The following MALRD1 variants were observed in gnomAD, a reference collection of about 807,000 sequenced individuals.
MALRD1 encodes the protein MAM and LDL receptor class A domain containing 1, also known as MAM and LDL-receptor class A domain-containing protein 1.
A neutral mutation model predicts 242.1 loss-of-function variants in MALRD1; 247 were observed. That is an observed-to-expected ratio of 1.02 (90% CI 0.92 to 1.13). MALRD1 has a LOEUF of 1.13. MALRD1 is among the 50% of genes most tolerant of loss of function. MALRD1 has a pLI of 0.00. For synonymous variants in MALRD1, 995 were observed against 866.6 expected, an observed-to-expected ratio of 1.15 and a Z score of -2.60; for missense variants, 2,989 against 2,533.1, an observed-to-expected ratio of 1.18 and a Z score of -3.86.
rs929548697 is a variant in MALRD1, at chr10:19,093,946, C to G, written c.597+5761C>G. 6.3e-3 allele frequency among the ~76,000 whole-genome samples: 636 copies of G among 101,394 alleles called. 158 individuals carry two copies. Among genetic ancestry groups the G allele is most frequent in the African/African-American group, 0.025 (613 of 24,550 alleles). The allele number at this position is 101,394 out of a possible 152,430, so 66.5% of individuals were successfully genotyped here. ...GACCCACTTGAGGAGGCAGTCTGCC[C>G]GTTCTCAGATCTCCAGCTGTGTGCT... On this transcript the variant is annotated intron_variant, in intron 4 of 39. Coordinates refer to ENST00000454679, the MANE Select transcript of MALRD1 (RefSeq NM_001142308.3).
intron 9 of MALRD1, among the ~76,000 whole-genome samples, chr10:19,135,610 A>T (rs1440708137): frequency 6.6e-6 from 1 of 152,158 alleles, no homozygotes; most frequent in East Asian, 1.9e-4. Context: ...TTTATATCTG[A>T]TGTCCAGTAT....
intron 19 of MALRD1, among the ~76,000 whole-genome samples, chr10:19,273,227 A>G (rs1430048342): frequency 6.6e-6 from 1 of 152,214 alleles, no homozygotes; most frequent in East Asian, 1.9e-4. Context: ...GGAAAATACA[A>G]ATTAAAATGT....
At chr10:19,314,794 T>C (rs530591371) in intron 21 of MALRD1, among the ~76,000 whole-genome samples, 2 of 151,498 alleles carry the variant, frequency 1.3e-5, no homozygotes, top group African/African-American at 4.8e-5. Context: ...GTCTGAAATA[T>C]TTTCTATCTA....
intron 21 of MALRD1, among the ~76,000 whole-genome samples, chr10:19,315,189 T>C (rs1462956615): frequency 3.2e-5 from 4 of 125,856 alleles, no homozygotes; most frequent in Non-Finnish European, 6.4e-5. Context: ...AATATATAAA[T>C]ATAATTTATA....
intron 18 of MALRD1, among the ~76,000 whole-genome samples, chr10:19,216,119 C>CTTT (rs753559077): frequency 0.078 from 9,573 of 122,722 alleles, 533 homozygotes; most frequent in Non-Finnish European, 0.11. Flanking sequence ...TTCTTTCTTT[C>CTTT]TTTTTTTTTT....
At chr10:19,317,087 A>C (rs550968514) in intron 21 of MALRD1, among the ~76,000 whole-genome samples, 1 of 151,600 alleles carries the variant, frequency 6.6e-6, no homozygotes, top group Admixed American at 6.6e-5. Flanking sequence ...TTTTTTAAAG[A>C]ATGCTAGTAC....
chr10:19,181,614 G>T (rs982364345), intron 14 of MALRD1, among the ~76,000 whole-genome samples: 1 of 152,114 alleles, frequency 6.6e-6, no homozygotes, highest in African/African-American at 2.4e-5. Context: ...GGAGAAATGT[G>T]TCTAGAGATG....
rs565423722 is a variant in MALRD1, at chr10:19,138,047, G to A, written c.1411+1266G>A. Among the ~76,000 whole-genome samples, 10 of 152,300 alleles carry A rather than the reference G, an allele frequency of 6.6e-5. No homozygotes were observed. The South Asian group carries it at 1.9e-3, about 28-fold the overall frequency. On this transcript the variant is annotated intron_variant, in intron 10 of 39. Transcript: ENST00000454679. ...AAGCTCTGTATAATTGGTTTCTCTT[G>A]GGAAGCTTGGATTTTATTAAGAGCA...
intron 33 of MALRD1, among the ~76,000 whole-genome samples, chr10:19,589,400 C>T (rs1837632256): frequency 6.6e-6 from 1 of 152,152 alleles, no homozygotes; most frequent in African/African-American, 2.4e-5. Context: ...ATTGCTGGTA[C>T]AGCCTTGAAT....
chr10:19,537,607 C>T (rs971485478), intron 32 of MALRD1, among the ~76,000 whole-genome samples: 3 of 152,124 alleles, frequency 2.0e-5, no homozygotes, highest in African/African-American at 7.2e-5. Flanking sequence ...TATAAAATAC[C>T]TCTCTCAGCA....
intron 32 of MALRD1, among the ~76,000 whole-genome samples, chr10:19,562,297 G>GTAGATAGATAGA (rs78473002): frequency 0.032 from 4,669 of 144,718 alleles, 89 homozygotes; most frequent in East Asian, 0.075. Context: ...GCTGTCTTAG[G>GTAGATAGATAGA]TAGATAGATA....
intron 36 of MALRD1, among the ~76,000 whole-genome samples, chr10:19,686,968 T>C (rs1460960639): frequency 2.6e-5 from 4 of 152,016 alleles, no homozygotes; most frequent in South Asian, 2.1e-4. Context: ...CAGGTCCTCC[T>C]GGGATGCTTT....
In MALRD1 at chr10:19,136,749, C is replaced by G. The variant is rs1833354802; in HGVS notation, c.1379C>G (p.Ser460Cys). 8.1e-7 allele frequency: 1 copy of G among 1,231,474 alleles called. No individual in the cohort carries two copies. The highest frequency in any genetic ancestry group is 1.6e-5 in the African/African-American group (1 of 64,368). The allele number at this position is 1,231,474 out of a possible 1,614,324, so 76.3% of individuals were successfully genotyped here. ...ESVCDSRQDC[S>C]DESDEDPATC... ...GTCTGTGACTCTCGGCAGGACTGCT[C>G]CGATGAGAGTGATGAAGACCCAGCA... The change falls in exon 10 of 40, where the codon TCC becomes TGC. Residue 460 changes from serine (S) to cysteine (C), a missense_variant. Coordinates refer to ENST00000454679, the MANE Select transcript of MALRD1 (RefSeq NM_001142308.3).
At chr10:19,369,319 A>T (rs1320087546) in intron 26 of MALRD1, among the ~76,000 whole-genome samples, 1 of 147,178 alleles carries the variant, frequency 6.8e-6, no homozygotes, top group Non-Finnish European at 1.5e-5. Flanking sequence ...AATACATAAT[A>T]AAATATATAA....
At chr10:19,380,677 T>C (rs566707710) in intron 26 of MALRD1, among the ~76,000 whole-genome samples, 19 of 152,258 alleles carry the variant, frequency 1.2e-4, no homozygotes, top group African/African-American at 3.8e-4. Context: ...CTTTTGAACA[T>C]TATATAGAAT....
intron 14 of MALRD1, among the ~76,000 whole-genome samples, chr10:19,196,387 C>T (rs1192575276): frequency 6.6e-6 from 1 of 152,108 alleles, no homozygotes; most frequent in African/African-American, 2.4e-5. Flanking sequence ...CTGGCTGTCA[C>T]CATTCAACAG....
intron 26 of MALRD1, among the ~76,000 whole-genome samples, chr10:19,376,572 T>G (rs1460305991): frequency 8.7e-6 from 1 of 115,112 alleles, no homozygotes; most frequent in African/African-American, 3.4e-5. Flanking sequence ...TTTTTTTTTG[T>G]AAGAGGGAGC....
chr10:19,248,341 C>G (rs995334279), intron 18 of MALRD1, among the ~76,000 whole-genome samples: 2 of 150,602 alleles, frequency 1.3e-5, no homozygotes, highest in African/African-American at 4.9e-5. Flanking sequence ...AGAACTTGTT[C>G]CTCTTGTAAG....
At chr10:19,660,759 C>T (rs1424898505) in intron 36 of MALRD1, among the ~76,000 whole-genome samples, 1 of 152,134 alleles carries the variant, frequency 6.6e-6, no homozygotes, top group Non-Finnish European at 1.5e-5. Context: ...CTTACATTTT[C>T]ATAAAAGAGA....
Sources: allele counts gnomAD v4.1 joint callset (sites outside exome capture counted in the v4.1 genomes callset), GRCh38; gene constraint gnomAD v4.1.1; transcripts MANE v1.5; gene names NCBI Gene and HGNC (gene_info 2026-07-23, HGNC 2026-07-21).